MYO1E: variants seen among roughly 807,000 people sequenced by gnomAD.
MYO1E encodes myosin IE.
Under a neutral mutation model 151.1 loss-of-function variants are expected in MYO1E, and 68 were observed. That is an observed-to-expected ratio of 0.45 (90% CI 0.37 to 0.55). MYO1E has a LOEUF of 0.55. Ranked by LOEUF, MYO1E falls within the 20% of genes least tolerant of loss-of-function variation. MYO1E has a pLI of 0.00. For synonymous variants in MYO1E, 601 were observed against 501.7 expected (o/e 1.20, Z -2.64); for missense variants, 1,363 against 1,389.3 (o/e 0.98, Z 0.30).
intron 6 of MYO1E, among the ~76,000 whole-genome samples, chr15:59,228,997 A>T (rs2080008635): frequency 6.6e-6 from 1 of 152,202 alleles, no homozygotes; most frequent in South Asian, 2.1e-4. Context: ...GAGAACCACC[A>T]GCCATCGCTC....
At chr15:59,227,005 G>T (rs2079995719) in intron 7 of MYO1E, among the ~76,000 whole-genome samples, 1 of 152,182 alleles carries the variant, frequency 6.6e-6, no homozygotes, top group African/African-American at 2.4e-5. Flanking sequence ...ACGTTCTGGA[G>T]ACGCCTGCCC....
At chr15:59,367,981 G>A (rs577428126) in intron 1 of MYO1E, among the ~76,000 whole-genome samples, 4 of 152,154 alleles carry the variant, frequency 2.6e-5, no homozygotes, top group East Asian at 1.9e-4. Flanking sequence ...TTAGGCGGGT[G>A]TGGTGGTGGG....
chr15:59,287,738 T>C lies in MYO1E; in HGVS notation c.4-15289A>G, dbSNP rs142049766. 4.5e-3 allele frequency among the ~76,000 whole-genome samples: 684 copies of C among 152,292 alleles called. 6 individuals are homozygous for C. Among genetic ancestry groups the C allele is most frequent in the African/African-American group, 0.015 (627 of 41,572 alleles). ...CATGCACATTGAGTACATTGGGGTG[T>C]TGACATGGTCTCAGTCTGAGTGAAT... On this transcript the variant is annotated intron_variant, in intron 1 of 27. Transcript: ENST00000288235.
At chr15:59,250,874 C>A (rs1335950820) in intron 4 of MYO1E, among the ~76,000 whole-genome samples, 4 of 152,188 alleles carry the variant, frequency 2.6e-5, no homozygotes, top group African/African-American at 9.7e-5. Context: ...AAACAAGGAT[C>A]TGAAGTGGGC....
intron 1 of MYO1E, among the ~76,000 whole-genome samples, chr15:59,282,767 A>G: frequency 6.7e-6 from 1 of 148,168 alleles, no homozygotes; most frequent in Admixed American, 6.8e-5. Context: ...AGGATCGCTT[A>G]AGCTCAGGAG....
chr15:59,169,607 C>T (rs2079580403), intron 22 of MYO1E, among the ~76,000 whole-genome samples: 1 of 151,948 alleles, frequency 6.6e-6, no homozygotes, highest in Non-Finnish European at 1.5e-5. Context: ...AGGCTAAGTA[C>T]CTCATTTTAC....
At chr15:59,221,315 C>T (rs1359469297) in intron 9 of MYO1E, among the ~76,000 whole-genome samples, 1 of 151,754 alleles carries the variant, frequency 6.6e-6, no homozygotes, top group African/African-American at 2.4e-5. Context: ...TGGCCTAAGA[C>T]ACATGTTAAG....
rs1555411929 is a variant in MYO1E, at chr15:59,216,643, A to AGTGTGTGTGTGTGCGTGTGT, written c.1107+1247_1107+1248insACACACGCACACACACACAC. Among the ~76,000 whole-genome samples, 70 of 43,478 alleles carry AGTGTGTGTGTGTGCGTGTGT rather than the reference A, an allele frequency of 1.6e-3. 3 individuals are homozygous for AGTGTGTGTGTGTGCGTGTGT. The highest frequency in any genetic ancestry group is 5.9e-3 in the African/African-American group (65 of 11,006). 28.5% of individuals were successfully genotyped at this position (43,478 alleles called of 152,430 possible). A position where few individuals can be genotyped will look rare whatever the true frequency, so the allele number is the denominator to read the frequency against. ...CTATCTTTTGGATCGAAGGGCCCCC[A>AGTGTGTGTGTGTGCGTGTGT]GTGTGTGTGTGTGTGTGTATGTGTA... is the stretch of plus-strand genomic sequence containing the variant. On this transcript the variant is annotated intron_variant, in intron 10 of 27. Coordinates refer to ENST00000288235, the MANE Select transcript of MYO1E (RefSeq NM_004998.4).
At chr15:59,323,153 A>AATGAGACTCC (rs2080638710) in intron 1 of MYO1E, among the ~76,000 whole-genome samples, 1 of 134,616 alleles carries the variant, frequency 7.4e-6, no homozygotes, top group Non-Finnish European at 1.5e-5. Flanking sequence ...TGGGCGACAG[A>AATGAGACTCC]GCAAGACCCC....
chr15:59,371,150 T>C (rs2140447593), intron 1 of MYO1E, among the ~76,000 whole-genome samples: 1 of 152,344 alleles, frequency 6.6e-6, no homozygotes, highest in Admixed American at 6.5e-5. Context: ...CTTGAAAGGT[T>C]TCTCGTTGAT....
At chr15:59,199,641 T>A (rs1030153755) in intron 16 of MYO1E, among the ~76,000 whole-genome samples, 1 of 152,162 alleles carries the variant, frequency 6.6e-6, no homozygotes. Context: ...AGAGTTCCCA[T>A]CAAATGAATA....
chr15:59,164,370 A>G (rs3794497), intron 22 of MYO1E, among the ~76,000 whole-genome samples: 52,191 of 152,036 alleles, frequency 0.34, 9,982 homozygotes, highest in East Asian at 0.62. Flanking sequence ...ATTAGAAACA[A>G]ATTAGGCAAA....
chr15:59,213,695 A>C (rs2079895647), intron 12 of MYO1E, among the ~76,000 whole-genome samples: 1 of 151,846 alleles, frequency 6.6e-6, no homozygotes, highest in Non-Finnish European at 1.5e-5. Context: ...TCCCGGGCTC[A>C]AGCAATTCTC....
chr15:59,167,518 G>A (rs1235867257), intron 22 of MYO1E, among the ~76,000 whole-genome samples: 1 of 152,142 alleles, frequency 6.6e-6, no homozygotes, highest in Non-Finnish European at 1.5e-5. Flanking sequence ...GCAACTCTGG[G>A]AGGATCCTTC....
intron 1 of MYO1E, among the ~76,000 whole-genome samples, chr15:59,302,227 G>A (rs2080487226): frequency 6.6e-6 from 1 of 152,192 alleles, no homozygotes; most frequent in African/African-American, 2.4e-5. Flanking sequence ...TGTGACTCAA[G>A]TAAGATTTAG....
At chr15:59,349,347 T>C (rs991434638) in intron 1 of MYO1E, among the ~76,000 whole-genome samples, 2 of 152,204 alleles carry the variant, frequency 1.3e-5, no homozygotes, top group Non-Finnish European at 1.5e-5. Flanking sequence ...TGTCTTTAGC[T>C]TCTAGACAAG....
chr15:59,180,787 A>G (rs901480), intron 18 of MYO1E, among the ~76,000 whole-genome samples: 1,635 of 152,290 alleles, frequency 0.011, 33 homozygotes, highest in African/African-American at 0.036. Flanking sequence ...GGATATACTC[A>G]TGGGAACAGG....
intron 18 of MYO1E, 105 bp from the exon 19 acceptor site, chr15:59,178,642 CA>C (rs2079640027): frequency 1.4e-6 from 2 of 1,406,672 alleles, no homozygotes; most frequent in East Asian, 4.7e-5. Context: ...CCCAGTGCTG[CA>C]AAGTTACTGA....
chr15:59,301,264 A>C (rs1705802819), intron 1 of MYO1E, among the ~76,000 whole-genome samples: 2 of 152,364 alleles, frequency 1.3e-5, no homozygotes, highest in Non-Finnish European at 2.9e-5. Flanking sequence ...TGAGGAAAAT[A>C]TGGATTCAAC....
Sources: gnomAD v4.1 joint callset for allele counts (sites outside exome capture counted in the v4.1 genomes callset) on GRCh38, gnomAD v4.1.1 for gene constraint, MANE v1.5 for transcripts, NCBI Gene and HGNC (gene_info 2026-07-23, HGNC 2026-07-21) for gene names.